Variants in RBFOX1 observed in about 807,000 individuals in gnomAD.
The protein encoded by RBFOX1 is RNA binding protein fox-1 homolog 1.
RBFOX1 carries 8 observed loss-of-function variants against 57.7 expected under a neutral mutation model. The observed-to-expected ratio is 0.14, with a 90% CI of 0.08 to 0.25. The LOEUF (loss-of-function observed/expected upper bound fraction) is 0.25. RBFOX1 is among the 10% of genes least tolerant of loss of function. The pLI, the probability that RBFOX1 is intolerant of heterozygous loss-of-function variation, is 1.00. For missense variants in RBFOX1, 611 were observed against 548.5 expected (o/e 1.11, Z -1.14); for synonymous variants, 326 against 222.4 (o/e 1.47, Z -4.15).
intron 3 of RBFOX1, among the ~76,000 whole-genome samples, chr16:6,714,658 G>A (rs1479361769): frequency 2.0e-5 from 3 of 152,120 alleles, no homozygotes; most frequent in African/African-American, 4.8e-5. Flanking sequence ...CCAGGTCCAT[G>A]TGCACTGATA....
At chr16:6,314,917 CT>C (rs1385246461) in intron 1 of RBFOX1, among the ~76,000 whole-genome samples, 1 of 152,204 alleles carries the variant, frequency 6.6e-6, no homozygotes, top group African/African-American at 2.4e-5. Flanking sequence ...TCTTCCACTT[CT>C]CACCTTTACG....
chr16:5,808,219 A>G (rs1470807974), intron 3 of RBFOX1, among the ~76,000 whole-genome samples: 1 of 152,198 alleles, frequency 6.6e-6, no homozygotes, highest in African/African-American at 2.4e-5. Context: ...GTACAGAGTG[A>G]AGACCAAGAA....
chr16:5,303,966 A>G (rs1260712849), intron 1 of RBFOX1, among the ~76,000 whole-genome samples: 1 of 152,196 alleles, frequency 6.6e-6, no homozygotes, highest in Non-Finnish European at 1.5e-5. Context: ...AGGAAATCTT[A>G]AATGGAACTT....
intron 2 of RBFOX1, among the ~76,000 whole-genome samples, chr16:6,548,699 G>A (rs570853467): frequency 3.3e-5 from 5 of 152,266 alleles, no homozygotes; most frequent in African/African-American, 7.2e-5. Context: ...TCACGATGTC[G>A]CAAGAACTCT....
intron 10 of RBFOX1, among the ~76,000 whole-genome samples, chr16:7,608,321 T>G (rs1226244640): frequency 6.6e-6 from 1 of 152,214 alleles, no homozygotes; most frequent in Non-Finnish European, 1.5e-5. Context: ...AAAACTTAGC[T>G]ACTCTGGCAC....
At chr16:7,105,250 C>G (rs1430115271) in intron 4 of RBFOX1, among the ~76,000 whole-genome samples, 2 of 151,430 alleles carry the variant, frequency 1.3e-5, no homozygotes, top group Non-Finnish European at 2.9e-5. Flanking sequence ...CCTATGGAGG[C>G]CAATCCTTAA....
chr16:5,798,376 A>G (rs1264366224), intron 3 of RBFOX1, among the ~76,000 whole-genome samples: 1 of 152,214 alleles, frequency 6.6e-6, no homozygotes, highest in African/African-American at 2.4e-5. Flanking sequence ...TTAGGGTCAG[A>G]AAAGGCTTTG....
chr16:7,423,857 G>T (rs541518741), intron 4 of RBFOX1, among the ~76,000 whole-genome samples: 1 of 152,098 alleles, frequency 6.6e-6, no homozygotes, highest in African/African-American at 2.4e-5. Context: ...TGGAGGTGGC[G>T]CCATGCATTA....
intron 3 of RBFOX1, among the ~76,000 whole-genome samples, chr16:5,737,362 G>T (rs2052614783): frequency 2.0e-5 from 3 of 151,994 alleles, no homozygotes; most frequent in Admixed American, 1.3e-4. Flanking sequence ...GCGTGTGCCT[G>T]TAGTCCCAGC....
intron 1 of RBFOX1, among the ~76,000 whole-genome samples, chr16:5,446,151 A>G (rs1484698537): frequency 1.3e-5 from 2 of 152,174 alleles, no homozygotes; most frequent in East Asian, 3.9e-4. Context: ...CATGGAAGTA[A>G]CAATTCCAGC....
intron 2 of RBFOX1, among the ~76,000 whole-genome samples, chr16:6,332,746 T>C (rs2083192464): frequency 6.6e-6 from 1 of 151,912 alleles, no homozygotes; most frequent in Non-Finnish European, 1.5e-5. Context: ...ACTGTTTTAG[T>C]GAATAGTTCA....
intron 1 of RBFOX1, among the ~76,000 whole-genome samples, chr16:6,161,227 A>G (rs746520944): frequency 8.5e-5 from 13 of 152,064 alleles, no homozygotes; most frequent in African/African-American, 1.2e-4. Context: ...TGTCTGTACT[A>G]AAAATACCAA....
intron 1 of RBFOX1, among the ~76,000 whole-genome samples, chr16:6,143,059 A>G (rs1195921883): frequency 2.0e-5 from 3 of 152,238 alleles, no homozygotes; most frequent in African/African-American, 4.8e-5. Flanking sequence ...GCATGAGTTC[A>G]TGAAATAAAT....
At chr16:5,663,822 T>C (rs2049742030) in intron 3 of RBFOX1, among the ~76,000 whole-genome samples, 2 of 152,198 alleles carry the variant, frequency 1.3e-5, no homozygotes, top group African/African-American at 4.8e-5. Flanking sequence ...GTCAAAGACA[T>C]TCAAAAGGCA....
chr16:6,077,034 G>A (rs189137312), intron 1 of RBFOX1, among the ~76,000 whole-genome samples: 5 of 152,258 alleles, frequency 3.3e-5, no homozygotes, highest in South Asian at 4.1e-4. Context: ...CAGATGAAGC[G>A]CTCGGCAAAT....
chr16:7,644,145 A>G (rs2063322311), intron 11 of RBFOX1, among the ~76,000 whole-genome samples: 2 of 152,156 alleles, frequency 1.3e-5, no homozygotes, highest in Non-Finnish European at 2.9e-5. Flanking sequence ...CATGATGGAT[A>G]AAATCATAGG....
At chr16:6,522,154 A>AGT (rs35360830) in intron 2 of RBFOX1, among the ~76,000 whole-genome samples, 12,061 of 142,698 alleles carry the variant, frequency 0.085, 531 homozygotes, top group East Asian at 0.14. Flanking sequence ...GGGGACCCAC[A>AGT]GTGTGTGTGT....
chr16:7,568,935 G>A (rs949896244), intron 5 of RBFOX1, among the ~76,000 whole-genome samples: 10 of 146,656 alleles, frequency 6.8e-5, no homozygotes. Context: ...TGGGAATGCA[G>A]CCCAGTAGGT....
chr16:7,335,406 G>A (rs2096767586), intron 4 of RBFOX1, among the ~76,000 whole-genome samples: 1 of 152,190 alleles, frequency 6.6e-6, no homozygotes, highest in Non-Finnish European at 1.5e-5. Flanking sequence ...GACTGGAGAT[G>A]TTGAAACAGA....
Sources: allele counts gnomAD v4.1 joint callset (sites outside exome capture counted in the v4.1 genomes callset), GRCh38; gene constraint gnomAD v4.1.1; transcripts MANE v1.5; gene names NCBI Gene and HGNC (gene_info 2026-07-23, HGNC 2026-07-21).